SLC6A9: variants seen among roughly 807,000 people sequenced by gnomAD.
SLC6A9 encodes solute carrier family 6 member 9, also known as sodium- and chloride-dependent glycine transporter 1.
In SLC6A9, 31 loss-of-function variants were observed where a neutral mutation model predicts 70.9. That is an observed-to-expected ratio of 0.44 (90% CI 0.33 to 0.59). SLC6A9 has a LOEUF of 0.59. Ranked by LOEUF, SLC6A9 falls within the 20% of genes least tolerant of loss-of-function variation. SLC6A9 has a pLI of 0.04. For missense variants in SLC6A9, 631 were observed against 845.2 expected (o/e 0.75, Z 3.14); for synonymous variants, 310 against 341.3 (o/e 0.91, Z 1.01).
rs199702343 is a variant in SLC6A9, at chr1:44,002,902, C to G, written c.674G>C (p.Trp225Ser). ...LPLLGCLGVS[W>S]LVVFLCLIRG... Reference sequence around the variant, plus strand: ...GATGAGGCAGAGGAAGACGACCAACCAGGAGACACCGAGGCAGCCAAGGAG... The same window carrying G: ...GATGAGGCAGAGGAAGACGACCAACGAGGAGACACCGAGGCAGCCAAGGAG... Residue 225 changes from tryptophan to serine, a missense_variant, in exon 6 of 14, where the codon TGG becomes TCG. Transcript: ENST00000372310. The surrounding 1 kb of genome is among the most constrained non-coding windows in gnomAD (Gnocchi z 5.5). 19 of 1,614,144 alleles carry G rather than the reference C, an allele frequency of 1.2e-5. No homozygotes were observed. The highest frequency in any genetic ancestry group is 1.4e-5 in the Non-Finnish European group (17 of 1,180,016).
chr1:44,017,414 G>A, intron 2 of SLC6A9: 21 of 1,137,256 alleles, frequency 1.8e-5, no homozygotes, highest in Non-Finnish European at 2.2e-5. Context: ...CACACAGACT[G>A]GGGCAGAGCA....
intron 12 of SLC6A9, 112 bp downstream of exon 12, chr1:44,000,655 A>C: frequency 1.4e-6 from 1 of 709,558 alleles, no homozygotes; most frequent in African/African-American, 1.8e-5. Context: ...AGTCATGGGT[A>C]TGGAGCTCCG....
rs1050779810 is a variant in SLC6A9 at position 44,031,289 on chromosome 1, T to G, written c.-86+17A>C. 4 of 151,898 alleles carry G rather than the reference T, an allele frequency of 2.6e-5. No homozygotes were observed. The highest frequency in any genetic ancestry group is 7.3e-5 in the African/African-American group (3 of 41,206). 9.4% of individuals were successfully genotyped at this position (151,898 alleles called of 1,614,324 possible). On this transcript the variant is annotated intron_variant, in intron 1 of 13. Transcript: ENST00000372310. The stretch of plus-strand genomic sequence containing the variant: ...CGGAGGCGCGGGCCCCAGCGTCCCT[T>G]CCCCCAGCCCCCTTACCATGCTGCA...
intron 2 of SLC6A9, among the ~76,000 whole-genome samples, chr1:44,021,653 G>A (rs1161569046): frequency 6.6e-6 from 1 of 152,240 alleles, no homozygotes; most frequent in Non-Finnish European, 1.5e-5. Context: ...CAAGTGCATG[G>A]CTCACACACA....
At chr1:44,028,233 G>A (rs1296596801) in intron 1 of SLC6A9, among the ~76,000 whole-genome samples, 1 of 152,222 alleles carries the variant, frequency 6.6e-6, no homozygotes, top group Non-Finnish European at 1.5e-5. Context: ...CAGTCAGGGG[G>A]AAATGGTCAA....
Position 44,018,519 on chromosome 1 carries a change from G to A in SLC6A9, c.30+5729C>T, listed in dbSNP as rs1227678204. Among the ~76,000 whole-genome samples the A allele has an allele frequency of 6.6e-5, 10 of 151,658 alleles. No individual in the cohort carries two copies. The highest frequency in any genetic ancestry group is 3.3e-4 in the Admixed American group (5 of 15,222). ...TGAGGCGGGAGAATCGCTTGAACCC[G>A]GGAGGTGGAGGTTGCAGTGAGCCGA... On this transcript the variant is annotated intron_variant, in intron 2 of 13. Coordinates refer to ENST00000372310, the MANE Select transcript of SLC6A9 (RefSeq NM_001024845.3). This position sits in a 1 kb window ranked among gnomAD's most constrained non-coding sequence, Gnocchi z 4.2.
rs201595292 is a variant in SLC6A9, at chr1:44,002,570, G to C, written c.800C>G (p.Ala267Gly). Reference protein sequence around the residue: ...LFVRGVTLEGAFDGIMYYLTP... With the variant: ...LFVRGVTLEGGFDGIMYYLTP... ...TAGGTAGTACATGATGCCGTCAAAGGCTCCCTCCAGGGTCACTCCGCGGAC... is the reference window on the plus strand; with the variant it reads ...TAGGTAGTACATGATGCCGTCAAAGCCTCCCTCCAGGGTCACTCCGCGGAC... Residue 267 changes from alanine to glycine, a missense_variant, in exon 7 of 14, where the codon GCC becomes GGC. Physicochemically the swap from Ala to Gly is moderately conservative, Grantham distance 60 (BLOSUM62 0). Coordinates refer to ENST00000372310, the MANE Select transcript of SLC6A9 (RefSeq NM_001024845.3). This position sits in a 1 kb window ranked among gnomAD's most constrained non-coding sequence, Gnocchi z 5.5. 6.2e-6 allele frequency: 10 copies of C among 1,613,904 alleles called. No individual in the cohort carries two copies. The highest frequency in any genetic ancestry group is 4.5e-5 in the East Asian group (2 of 44,884).
In SLC6A9 at chr1:44,000,751, C is replaced by G; in HGVS notation, c.1536+16G>C. On this transcript the variant is annotated intron_variant, in intron 12 of 13. Coordinates refer to ENST00000372310, the MANE Select transcript of SLC6A9 (RefSeq NM_001024845.3). Reference sequence around the variant, plus strand: ...AGGGGCAGCGGGGGAAGGGAGGGGCCGGCCAGGGAACTCACGAAGATGATG... The same window carrying G: ...AGGGGCAGCGGGGGAAGGGAGGGGCGGGCCAGGGAACTCACGAAGATGATG... The G allele has an allele frequency of 6.5e-7, 1 of 1,546,790 alleles. No individual in the cohort carries two copies. Among genetic ancestry groups the G allele is most frequent in the South Asian group, 1.2e-5 (1 of 85,388 alleles).
chr1:43,997,509 G>T lies in SLC6A9; in HGVS notation c.*36C>A, dbSNP rs773707664. 1 of 1,580,250 alleles carries T rather than the reference G, an allele frequency of 6.3e-7. No homozygotes were observed. The highest frequency in any genetic ancestry group is 8.7e-7 in the Non-Finnish European group (1 of 1,153,448). ...TCACCAGTCTCTGCGGTGGGAGCAC[G>T]GGGTGGGGGTGGGGCCACTCCCCTG... On this transcript the variant is annotated 3_prime_UTR_variant, in exon 14 of 14. Coordinates refer to ENST00000372310, the MANE Select transcript of SLC6A9 (RefSeq NM_001024845.3). This position sits in a 1 kb window ranked among gnomAD's most constrained non-coding sequence, Gnocchi z 4.4.
chr1:44,030,902 G>T (rs1377816161), intron 1 of SLC6A9, among the ~76,000 whole-genome samples: 1 of 152,056 alleles, frequency 6.6e-6, no homozygotes, highest in Non-Finnish European at 1.5e-5. Context: ...CAGAACCACT[G>T]GCTCCTCGGA....
At chr1:44,012,615 A>G (rs75664568) in intron 2 of SLC6A9, among the ~76,000 whole-genome samples, 2,532 of 152,324 alleles carry the variant, frequency 0.017, 69 homozygotes, top group African/African-American at 0.056. Context: ...GAGAGCTCCT[A>G]CCCATTCGGA....
intron 4 of SLC6A9, among the ~76,000 whole-genome samples, chr1:44,009,019 CTTTTTTTTTTTTT>C: frequency 1.4e-5 from 1 of 71,802 alleles, no homozygotes; most frequent in South Asian, 5.2e-4. Context: ...CGCGCCCGGC[CTTTTTTTTTTTTT>C]TTTTTTTTTT....
chr1:44,030,203 C>G (rs1261339298), intron 1 of SLC6A9, among the ~76,000 whole-genome samples: 1 of 152,152 alleles, frequency 6.6e-6, no homozygotes, highest in African/African-American at 2.4e-5. Flanking sequence ...GTCCCGGTTC[C>G]TCGAAGTGGG....
chr1:44,023,262 C>T (rs539185672), intron 2 of SLC6A9, among the ~76,000 whole-genome samples: 2 of 152,172 alleles, frequency 1.3e-5, no homozygotes, highest in Non-Finnish European at 2.9e-5. Context: ...ACAACCATTG[C>T]CTCTGGGACA....
chr1:44,002,931 C>T lies in SLC6A9; in HGVS notation c.645G>A (p.Leu215=), dbSNP rs200958790. The change falls in exon 6 of 14, where the codon CTG becomes CTA. Residue 215 remains leucine (L), a synonymous_variant. Coordinates refer to ENST00000372310, the MANE Select transcript of SLC6A9 (RefSeq NM_001024845.3). The surrounding 1 kb of genome is among the most constrained non-coding windows in gnomAD (Gnocchi z 5.5). ...AGACACCGAGGCAGCCAAGGAGGGG[C>T]AGCCGCACCTCCCCAAAGTTCCCAA... ...DDIGNFGEVR[L]PLLGCLGVSW... The T allele has an allele frequency of 1.2e-6, 2 of 1,614,034 alleles. No homozygotes were observed. Among genetic ancestry groups the T allele is most frequent in the Non-Finnish European group, 1.7e-6 (2 of 1,179,870 alleles).
chr1:44,017,368 A>C (rs2086786818), intron 2 of SLC6A9: 2 of 827,106 alleles, frequency 2.4e-6, no homozygotes, highest in African/African-American at 3.7e-5. Flanking sequence ...TAACTGGAAC[A>C]ACACACACAC....
At chr1:44,001,128 A>T in intron 10 of SLC6A9, 36 bp downstream of exon 10, 2 of 1,614,042 alleles carry the variant, frequency 1.2e-6, no homozygotes, top group Non-Finnish European at 1.7e-6. Flanking sequence ...ACGTCCTGGC[A>T]ACTCTGGGCC....
chr1:44,002,563 G>C lies in SLC6A9; in HGVS notation c.807C>G (p.Asp269Glu). ...GCGGGGTTAGGTAGTACATGATGCC[G>C]TCAAAGGCTCCCTCCAGGGTCACTC... ...VRGVTLEGAF[D>E]GIMYYLTPQW... Residue 269 changes from aspartate (D) to glutamate (E), a missense_variant, in exon 7 of 14, where the codon GAC becomes GAG. Coordinates refer to ENST00000372310, the MANE Select transcript of SLC6A9 (RefSeq NM_001024845.3). The surrounding 1 kb of genome is among the most constrained non-coding windows in gnomAD (Gnocchi z 5.5). The C allele has an allele frequency of 6.2e-7, 1 of 1,613,908 alleles. No individual in the cohort carries two copies. The highest frequency in any genetic ancestry group is 8.5e-7 in the Non-Finnish European group (1 of 1,179,970).
At chr1:44,006,681 A>G (rs867098199) in intron 5 of SLC6A9, among the ~76,000 whole-genome samples, 2 of 152,128 alleles carry the variant, frequency 1.3e-5, no homozygotes, top group Middle Eastern at 3.4e-3. Flanking sequence ...GTTAAAAATT[A>G]AAAAATGAAA....
Sources: gnomAD v4.1 joint callset for allele counts (sites outside exome capture counted in the v4.1 genomes callset) on GRCh38, gnomAD v4.1.1 for gene constraint, Gnocchi (gnomAD v3.1) non-coding constraint, MANE v1.5 for transcripts, NCBI Gene and HGNC (gene_info 2026-07-23, HGNC 2026-07-21) for gene names.